The following EXOSC10 variants were observed in gnomAD, a reference collection of about 807,000 sequenced individuals.
The protein encoded by EXOSC10 is exosome complex component 10.
In EXOSC10, 94 loss-of-function variants were observed where a neutral mutation model predicts 126.6. That is an observed-to-expected ratio of 0.74 (90% CI 0.63 to 0.88). EXOSC10 has a LOEUF of 0.88. Among genes scored for constraint, EXOSC10 ranks in the 40% least tolerant of loss-of-function variants. The pLI, the probability that EXOSC10 is intolerant of heterozygous loss-of-function variation, is 0.00. For synonymous variants in EXOSC10, 395 were observed against 400.8 expected (o/e 0.99, Z 0.17); for missense variants, 1,041 against 1,100.5 (o/e 0.95, Z 0.77).
At chr1:11,070,697 G>A (rs1469358146) in intron 21 of EXOSC10, 2 of 558,062 alleles carry the variant, frequency 3.6e-6, no homozygotes, top group Non-Finnish European at 6.3e-6. Flanking sequence ...CACAGTGGAA[G>A]AAGGTTAAGA....
chr1:11,087,969 T>C lies in EXOSC10; in HGVS notation c.835-59A>G, dbSNP rs563062620. 1.2e-5 allele frequency: 15 copies of C among 1,301,414 alleles called. No individual in the cohort carries two copies. The South Asian group carries it at 1.5e-4, about 13-fold the overall frequency. 80.6% of individuals were successfully genotyped at this position (1,301,414 alleles called of 1,614,324 possible). A position where few individuals can be genotyped will look rare whatever the true frequency, so the allele number is the denominator to read the frequency against. On this transcript the variant is annotated intron_variant, in intron 7 of 24. Transcript: ENST00000376936. The stretch of plus-strand genomic sequence containing the variant: ...ATATAGAAATCATCCCCCAGTAAAG[T>C]ACAAAGTGAACTACAAGTTTGAGAA...
chr1:11,069,228 T>C (rs1639298485), intron 22 of EXOSC10, among the ~76,000 whole-genome samples: 1 of 62,252 alleles, frequency 1.6e-5, no homozygotes, highest in African/African-American at 3.6e-5. Context: ...AACAAAATTC[T>C]GTGTGTGTGT....
intron 14 of EXOSC10, among the ~76,000 whole-genome samples, chr1:11,079,490 T>C (rs1640024048): frequency 6.7e-6 from 1 of 148,948 alleles, no homozygotes; most frequent in Non-Finnish European, 1.5e-5. Flanking sequence ...GCCTCCCGGA[T>C]TCAAGCAATT....
Position 11,091,548 on chromosome 1 carries a change from A to G in EXOSC10, c.422T>C (p.Val141Ala). 1 of 1,614,158 alleles carries G rather than the reference A, an allele frequency of 6.2e-7. No homozygotes were observed. Among genetic ancestry groups the G allele is most frequent in the Non-Finnish European group, 8.5e-7 (1 of 1,180,028 alleles). The change falls in exon 4 of 25, where the codon GTC becomes GCC. Residue 141 changes from valine (V) to alanine (A), a missense_variant. By Grantham distance (64) the Val-to-Ala change is moderately conservative (BLOSUM62 0). Coordinates refer to ENST00000376936, the MANE Select transcript of EXOSC10 (RefSeq NM_001001998.3). ...ASGVNKNQQP[V>A]LPAGLQVPKT... ...GGGGACCTGCAAGCCGGCAGGGAGG[A>G]CAGGCTGTTGATTCTTGTTTACACC...
chr1:11,068,572 G>T, intron 23 of EXOSC10, 73 bp downstream of exon 23: 1 of 1,156,656 alleles, frequency 8.6e-7, no homozygotes, highest in Non-Finnish European at 1.3e-6. Flanking sequence ...GGATGGGCCT[G>T]TCTTCTCAGC....
At chr1:11,088,774 C>G (rs75911745) in intron 6 of EXOSC10, among the ~76,000 whole-genome samples, 1 of 152,352 alleles carries the variant, frequency 6.6e-6, no homozygotes, top group East Asian at 1.9e-4. Context: ...CAGACAGACT[C>G]TGGCTCTATG....
chr1:11,087,057 G>A (rs149510170), intron 9 of EXOSC10, among the ~76,000 whole-genome samples: 2 of 152,316 alleles, frequency 1.3e-5, no homozygotes, highest in African/African-American at 4.8e-5. Flanking sequence ...GATATATGCA[G>A]TTTTAAATGT....
intron 6 of EXOSC10, among the ~76,000 whole-genome samples, chr1:11,090,239 C>T (rs1277000835): frequency 2.0e-5 from 3 of 152,094 alleles, no homozygotes; most frequent in Non-Finnish European, 4.4e-5. Context: ...CTCAGGTGAT[C>T]CACCGGTCTC....
At chr1:11,086,236 G>A (rs1245083966) in intron 9 of EXOSC10, among the ~76,000 whole-genome samples, 2 of 152,000 alleles carry the variant, frequency 1.3e-5, no homozygotes, top group Non-Finnish European at 2.9e-5. Context: ...ATTCGGCTGT[G>A]AATCCATCTG....
chr1:11,077,031 C>T, intron 16 of EXOSC10, 83 bp from the exon 17 acceptor site: 3 of 1,039,440 alleles, frequency 2.9e-6, no homozygotes, highest in East Asian at 2.4e-5. Flanking sequence ...TAGTGTAGTC[C>T]CCTAGGCTGG....
chr1:11,089,200 A>T (rs1640659469), intron 6 of EXOSC10, among the ~76,000 whole-genome samples: 1 of 147,876 alleles, frequency 6.8e-6, no homozygotes, highest in Non-Finnish European at 1.5e-5. Context: ...TACGGCACCC[A>T]GCCTGGGTGA....
Position 11,080,899 on chromosome 1 carries a change from G to C in EXOSC10, c.1451C>G (p.Pro484Arg). 1.2e-6 allele frequency: 2 copies of C among 1,606,068 alleles called. No homozygotes were observed. The highest frequency in any genetic ancestry group is 2.2e-5 in the South Asian group (2 of 89,480). Residue 484 changes from proline to arginine, a missense_variant, in exon 12 of 25, where the codon CCT (proline) becomes CGT (arginine). Transcript: ENST00000376936. ...RDICLKKFIK[P>R]IFTDESYLEL... ...AAGGTAGGACTCATCCGTGAAGATA[G>C]GTTTGATGAATTTCTACAAAGTATT...
chr1:11,078,260 G>GTTTTTTTTTTTTTTTTT (rs1639934471), intron 14 of EXOSC10, among the ~76,000 whole-genome samples: 1 of 148,250 alleles, frequency 6.7e-6, no homozygotes, highest in East Asian at 2.0e-4. Context: ...GCAAGACCCT[G>GTTTTTTTTTTTTTTTTT]TTTCTTTTTT....
At chr1:11,095,606 T>C (rs12129722) in intron 3 of EXOSC10, 152 bp downstream of exon 3, 31,537 of 596,266 alleles carry the variant, frequency 0.053, 1,522 homozygotes, top group African/African-American at 0.14. Context: ...CCCAGCTACT[T>C]GGGAGGCTGA....
rs2100238147 is a variant in EXOSC10, at chr1:11,095,901, G to A, written c.249-20C>T. 2 of 1,606,536 alleles carry A rather than the reference G, an allele frequency of 1.2e-6. No individual in the cohort carries two copies. Among genetic ancestry groups the A allele is most frequent in the Non-Finnish European group, 1.7e-6 (2 of 1,174,238 alleles). ...CTCATGCTAAGGAAAGGAAAACCAA[G>A]GTTAGCTTGTAGATTTTTATTTCAC... On this transcript the variant is annotated intron_variant, in intron 2 of 24. Coordinates refer to ENST00000376936, the MANE Select transcript of EXOSC10 (RefSeq NM_001001998.3).
chr1:11,082,732 G>A lies in EXOSC10; in HGVS notation c.1236C>T (p.Asn412=), dbSNP rs748147857. The A allele has an allele frequency of 1.9e-6, 3 of 1,614,106 alleles. No homozygotes were observed. Among genetic ancestry groups the A allele is most frequent in the Non-Finnish European group, 2.5e-6 (3 of 1,180,054 alleles). The stretch of plus-strand genomic sequence containing the variant: ...GCTGATATTGCTTGTTTGAGTCCAC[G>A]TTGCAGTAGAGTTTCAGGAGATGAT... ...SLDHLLKLYC[N]VDSNKQYQLA... Residue 412 remains asparagine, a synonymous_variant, in exon 10 of 25, where the codon AAC becomes AAT. Transcript: ENST00000376936.
chr1:11,091,312 G>T, intron 4 of EXOSC10, 133 bp from the exon 5 acceptor site: 3 of 994,410 alleles, frequency 3.0e-6, no homozygotes, highest in Non-Finnish European at 4.5e-6. Flanking sequence ...GTATGTGCAT[G>T]TAGAGGTCTC....
chr1:11,089,715 A>G (rs1465956798), intron 6 of EXOSC10, among the ~76,000 whole-genome samples: 3 of 151,988 alleles, frequency 2.0e-5, no homozygotes, highest in Non-Finnish European at 4.4e-5. Flanking sequence ...CCCAACCCCC[A>G]ACCCTTTGGG....
chr1:11,094,399 A>T (rs186433158), intron 3 of EXOSC10, among the ~76,000 whole-genome samples: 12 of 151,036 alleles, frequency 7.9e-5, no homozygotes, highest in Admixed American at 5.9e-4. Context: ...AGTTCAAGCG[A>T]TTCTCCTGCC....
Sources: allele counts gnomAD v4.1 joint callset (sites outside exome capture counted in the v4.1 genomes callset), GRCh38; gene constraint gnomAD v4.1.1; transcripts MANE v1.5; gene names NCBI Gene and HGNC (gene_info 2026-07-23, HGNC 2026-07-21).